Variants in PLXDC2 observed in about 807,000 individuals in gnomAD.
The protein encoded by PLXDC2 is plexin domain-containing protein 2.
A neutral mutation model predicts 68.9 loss-of-function variants in PLXDC2; 40 were observed. The ratio of observed to expected loss-of-function variants is 0.58; its 90% CI spans 0.45 to 0.76. PLXDC2 has a LOEUF of 0.76. Among genes scored for constraint, PLXDC2 ranks in the 30% least tolerant of loss-of-function variants. The pLI, the probability that PLXDC2 is intolerant of heterozygous loss-of-function variation, is 0.00. For synonymous variants in PLXDC2, 243 were observed against 234.2 expected (o/e 1.04, Z -0.34); for missense variants, 644 against 661.9 (o/e 0.97, Z 0.30).
At chr10:20,092,178 T>A (rs751117616) in intron 4 of PLXDC2, among the ~76,000 whole-genome samples, 1 of 152,224 alleles carries the variant, frequency 6.6e-6, no homozygotes, top group Non-Finnish European at 1.5e-5. Context: ...AATGTATTTA[T>A]GAAATACCGC....
intron 1 of PLXDC2, among the ~76,000 whole-genome samples, chr10:19,825,221 G>A (rs1042570660): frequency 6.6e-6 from 1 of 152,064 alleles, no homozygotes; most frequent in African/African-American, 2.4e-5. Flanking sequence ...CTCAATAATT[G>A]GACATTTTCC....
intron 4 of PLXDC2, among the ~76,000 whole-genome samples, chr10:20,078,871 A>G (rs1271283592): frequency 6.6e-6 from 1 of 152,112 alleles, no homozygotes; most frequent in African/African-American, 2.4e-5. Flanking sequence ...CTTATTTTCC[A>G]CAAGGTTTGA....
intron 4 of PLXDC2, among the ~76,000 whole-genome samples, chr10:20,093,043 C>T (rs1463295700): frequency 6.6e-6 from 1 of 152,082 alleles, no homozygotes; most frequent in Non-Finnish European, 1.5e-5. Flanking sequence ...TTTAAGCCAC[C>T]ATGTTTGTAG....
At chr10:19,950,014 T>C (rs1833966971) in intron 1 of PLXDC2, among the ~76,000 whole-genome samples, 1 of 152,130 alleles carries the variant, frequency 6.6e-6, no homozygotes, top group Non-Finnish European at 1.5e-5. Context: ...AGGAACATGC[T>C]TTAAAATAAT....
At chr10:20,016,123 C>A (rs769875493) in intron 2 of PLXDC2, among the ~76,000 whole-genome samples, 3 of 152,162 alleles carry the variant, frequency 2.0e-5, no homozygotes, top group African/African-American at 7.2e-5. Flanking sequence ...TGGACTGTTT[C>A]AAAAGACCAA....
At chr10:19,989,017 C>T (rs1589572472) in intron 1 of PLXDC2, among the ~76,000 whole-genome samples, 1 of 151,796 alleles carries the variant, frequency 6.6e-6, no homozygotes, top group African/African-American at 2.4e-5. Flanking sequence ...TGTGGCTGGT[C>T]TCAAACTCCT....
intron 1 of PLXDC2, among the ~76,000 whole-genome samples, chr10:19,861,316 T>A (rs1372256205): frequency 6.6e-6 from 1 of 152,154 alleles, no homozygotes; most frequent in Non-Finnish European, 1.5e-5. Flanking sequence ...ATTACGGGCA[T>A]GAGCCACCGA....
At position 20,064,457 on chromosome 10, in the gene PLXDC2, C is replaced by T. The variant is rs560680335; in HGVS notation, c.472-3713C>T. On this transcript the variant is annotated intron_variant, in intron 3 of 13. Transcript: ENST00000377252. ...GGATGGTCTCGATCTCCTGACCTTG[C>T]GATCCGCCTACCTTGGCCTCCCAAA... Among the ~76,000 whole-genome samples, 7 of 152,028 alleles carry T rather than the reference C, an allele frequency of 4.6e-5. No homozygotes were observed. The South Asian group carries it at 1.0e-3, about 23-fold the overall frequency.
chr10:20,127,306 T>C (rs946147480), intron 4 of PLXDC2, among the ~76,000 whole-genome samples: 7 of 152,164 alleles, frequency 4.6e-5, no homozygotes, highest in African/African-American at 1.7e-4. Flanking sequence ...CTGGTAAAAT[T>C]CAGAGATGAG....
At chr10:19,937,878 A>G (rs1162339874) in intron 1 of PLXDC2, among the ~76,000 whole-genome samples, 1 of 152,044 alleles carries the variant, frequency 6.6e-6, no homozygotes, top group African/African-American at 2.4e-5. Context: ...TGTCTTCAGA[A>G]CACCTTTAGG....
chr10:19,980,976 A>G (rs1256043755), intron 1 of PLXDC2, among the ~76,000 whole-genome samples: 1 of 152,224 alleles, frequency 6.6e-6, no homozygotes, highest in East Asian at 1.9e-4. Context: ...GTCAAGAAAA[A>G]TGCCAAATCA....
intron 4 of PLXDC2, among the ~76,000 whole-genome samples, chr10:20,125,582 G>C (rs1347373922): frequency 6.6e-6 from 1 of 152,166 alleles, no homozygotes; most frequent in Admixed American, 6.5e-5. Flanking sequence ...AGAGGTTTGA[G>C]CCTGACCATA....
At chr10:19,963,076 A>G (rs1448623998) in intron 1 of PLXDC2, among the ~76,000 whole-genome samples, 1 of 149,998 alleles carries the variant, frequency 6.7e-6, no homozygotes. Context: ...TTCCCTATCT[A>G]TGGAGAGACT....
intron 1 of PLXDC2, among the ~76,000 whole-genome samples, chr10:19,984,109 A>G (rs564702385): frequency 6.6e-6 from 1 of 152,174 alleles, no homozygotes; most frequent in Non-Finnish European, 1.5e-5. Context: ...AGTTTCACAT[A>G]TGTATTTCCT....
chr10:20,054,645 T>C (rs941902382), intron 3 of PLXDC2, among the ~76,000 whole-genome samples: 4 of 151,846 alleles, frequency 2.6e-5, no homozygotes, highest in Admixed American at 6.6e-5. Flanking sequence ...TAGGTGGGAA[T>C]TGAACAATGA....
rs543215384 is a variant in PLXDC2 at position 19,970,075 on chromosome 10, C to T, written c.113-31700C>T. Among the ~76,000 whole-genome samples, 236 of 152,332 alleles carry T rather than the reference C, an allele frequency of 1.5e-3. 1 individual carries two copies. The highest frequency in any genetic ancestry group is 5.4e-3 in the African/African-American group (224 of 41,580). On this transcript the variant is annotated intron_variant, in intron 1 of 13. Transcript: ENST00000377252. ...CATGCCTACGTTCTTGAACTTGCCT[C>T]TGTCCCCCAGCCTCTTCCCTATACC...
chr10:20,010,225 C>A (rs940666900), intron 2 of PLXDC2, among the ~76,000 whole-genome samples: 3 of 152,106 alleles, frequency 2.0e-5, no homozygotes, highest in African/African-American at 4.8e-5. Context: ...CTCTGTGTTG[C>A]CAAAGGTTGT....
At chr10:20,115,945 C>G (rs2460585) in intron 4 of PLXDC2, among the ~76,000 whole-genome samples, 54,336 of 152,028 alleles carry the variant, frequency 0.36, 11,235 homozygotes, top group Non-Finnish European at 0.48. Flanking sequence ...GAAAGAATTC[C>G]TCGCAGCACG....
intron 1 of PLXDC2, among the ~76,000 whole-genome samples, chr10:19,991,776 C>T (rs927081328): frequency 8.6e-5 from 13 of 152,024 alleles, no homozygotes; most frequent in South Asian, 4.2e-4. Context: ...GATTTGGGTC[C>T]GAGACATTTG....
Sources: allele counts gnomAD v4.1 joint callset (sites outside exome capture counted in the v4.1 genomes callset), GRCh38; gene constraint gnomAD v4.1.1; transcripts MANE v1.5; gene names NCBI Gene and HGNC (gene_info 2026-07-23, HGNC 2026-07-21).